NLGN4X: variants seen among roughly 807,000 people sequenced by gnomAD.
The protein encoded by NLGN4X is neuroligin 4 X-linked.
In NLGN4X, 3 loss-of-function variants were observed where a neutral mutation model predicts 40.3. The observed-to-expected ratio is 0.07, with a 90% CI of 0.03 to 0.19. The LOEUF (loss-of-function observed/expected upper bound fraction) is 0.19, where lower values mean the gene tolerates loss of function less well. Ranked by LOEUF, NLGN4X falls within the 10% of genes least tolerant of loss-of-function variation. NLGN4X has a pLI of 1.00. For synonymous variants in NLGN4X, 270 were observed against 306.8 expected, an observed-to-expected ratio of 0.88 and a Z score of 1.25; for missense variants, 382 against 708.3, an observed-to-expected ratio of 0.54 and a Z score of 5.23.
chrX:6,185,656 C>T (rs779812550), intron 1 of NLGN4X, among the ~76,000 whole-genome samples: 9 of 112,165 alleles, frequency 8.0e-5, no homozygotes, highest in Non-Finnish European at 1.5e-4. Flanking sequence ...TTCAGTGAAG[C>T]GGAATAAAAA....
At chrX:6,185,169 T>C (rs1430861975) in intron 1 of NLGN4X, among the ~76,000 whole-genome samples, 1 of 112,278 alleles carries the variant, frequency 8.9e-6, no homozygotes, top group Non-Finnish European at 1.9e-5. Flanking sequence ...CAAAGAGGAA[T>C]AGCACAAAGG....
At chrX:6,073,977 T>C (rs1440688975) in intron 2 of NLGN4X, among the ~76,000 whole-genome samples, 1 of 109,930 alleles carries the variant, frequency 9.1e-6, no homozygotes, top group African/African-American at 3.3e-5. Context: ...AGAAAACCAA[T>C]TGTTGAGCCA....
At chrX:6,205,565 A>G in intron 1 of NLGN4X, among the ~76,000 whole-genome samples, 1 of 112,848 alleles carries the variant, frequency 8.9e-6, no homozygotes, top group East Asian at 2.8e-4. Flanking sequence ...GGAAAGATGT[A>G]GTGTTTGATC....
At chrX:5,940,344 T>G (rs1356848379) in intron 3 of NLGN4X, among the ~76,000 whole-genome samples, 5 of 111,833 alleles carry the variant, frequency 4.5e-5, no homozygotes, top group Admixed American at 9.5e-5. Flanking sequence ...TTTTAGTCTA[T>G]TCATTAAACT....
chrX:5,912,466 G>A (rs972574081), intron 3 of NLGN4X, among the ~76,000 whole-genome samples: 12 of 111,481 alleles, frequency 1.1e-4, no homozygotes, highest in Admixed American at 4.8e-4. Context: ...CATTTAGCCA[G>A]CTCTGCAGGA....
At chrX:5,973,334 G>T (rs1053964880) in intron 3 of NLGN4X, among the ~76,000 whole-genome samples, 9 of 112,515 alleles carry the variant, frequency 8.0e-5, no homozygotes, top group African/African-American at 2.9e-4. Context: ...CAGAAACCAT[G>T]TGGCTCACAT....
At chrX:5,916,019 C>A (rs2032779608) in intron 3 of NLGN4X, among the ~76,000 whole-genome samples, 2 of 111,671 alleles carry the variant, frequency 1.8e-5, no homozygotes, top group Admixed American at 1.9e-4. Flanking sequence ...TCCCCAGGAC[C>A]TGCTCATTTG....
Position 6,175,889 on chromosome X carries a change from A to C in NLGN4X, c.-305-24118T>G, listed in dbSNP as rs562523411. Among the ~76,000 whole-genome samples the C allele has an allele frequency of 4.5e-5, 5 of 110,413 alleles. No homozygotes were observed. The South Asian group carries it at 2.0e-3, about 43-fold the overall frequency. ...GTATAAGCTTCTGGACCTCATTTGGAGGGTAGATCTTCATTCCAAAGGCTC... is the reference window on the plus strand; with the variant it reads ...GTATAAGCTTCTGGACCTCATTTGGCGGGTAGATCTTCATTCCAAAGGCTC... On this transcript the variant is annotated intron_variant, in intron 1 of 5. Transcript: ENST00000381095.
chrX:5,939,895 A>T (rs761433677), intron 3 of NLGN4X, among the ~76,000 whole-genome samples: 72 of 111,916 alleles, frequency 6.4e-4, no homozygotes, highest in African/African-American at 2.3e-3. Context: ...TTCTGCGTAG[A>T]TGTTAATTTT....
At chrX:6,167,921 T>C (rs995662904) in intron 1 of NLGN4X, among the ~76,000 whole-genome samples, 2 of 111,961 alleles carry the variant, frequency 1.8e-5, no homozygotes, top group Admixed American at 9.5e-5. Flanking sequence ...TTCTTAAATA[T>C]GTCCGTGGGA....
At chrX:5,977,564 G>T (rs1259734805) in intron 3 of NLGN4X, among the ~76,000 whole-genome samples, 1 of 110,268 alleles carries the variant, frequency 9.1e-6, no homozygotes, top group African/African-American at 3.3e-5. Flanking sequence ...CTGTAACAAT[G>T]ATTTTTTTCT....
intron 2 of NLGN4X, among the ~76,000 whole-genome samples, chrX:6,067,116 A>ACCC (rs2037942699): frequency 2.0e-5 from 2 of 99,440 alleles, no homozygotes; most frequent in Non-Finnish European, 4.3e-5. Context: ...CCCCCCCCCA[A>ACCC]AACAAAATTA....
intron 2 of NLGN4X, among the ~76,000 whole-genome samples, chrX:6,096,691 A>C: frequency 8.9e-6 from 1 of 111,878 alleles, no homozygotes; most frequent in Non-Finnish European, 1.9e-5. Flanking sequence ...CCATTGTCAG[A>C]GACTCTCATC....
At chrX:6,129,417 A>C (rs2039631659) in intron 2 of NLGN4X, among the ~76,000 whole-genome samples, 1 of 111,311 alleles carries the variant, frequency 9.0e-6, no homozygotes, top group African/African-American at 3.3e-5. Context: ...GGCAGGAGGC[A>C]CCCTTGAGGT....
intron 2 of NLGN4X, among the ~76,000 whole-genome samples, chrX:6,135,940 C>T (rs1336971001): frequency 8.9e-6 from 1 of 112,461 alleles, no homozygotes; most frequent in Admixed American, 9.4e-5. Flanking sequence ...ACCTGAATTT[C>T]TTTCACTTGC....
chrX:6,141,822 T>TA (rs776185525), intron 2 of NLGN4X, among the ~76,000 whole-genome samples: 1,092 of 109,200 alleles, frequency 0.01, 13 homozygotes, highest in African/African-American at 0.034. Context: ...GTCTCAAACA[T>TA]AAAAAAAATA....
intron 3 of NLGN4X, among the ~76,000 whole-genome samples, chrX:5,922,287 C>T (rs1285310594): frequency 9.0e-6 from 1 of 110,868 alleles, no homozygotes; most frequent in Non-Finnish European, 1.9e-5. Context: ...CATAGCACTG[C>T]AGGGTGACTG....
At chrX:6,102,474 C>T (rs182729770) in intron 2 of NLGN4X, among the ~76,000 whole-genome samples, 12 of 110,741 alleles carry the variant, frequency 1.1e-4, no homozygotes, top group African/African-American at 3.3e-4. Context: ...AGTGAGAAGG[C>T]GCTGTCTATG....
chrX:5,942,040 G>A (rs781739049), intron 3 of NLGN4X, among the ~76,000 whole-genome samples: 3 of 111,034 alleles, frequency 2.7e-5, no homozygotes, highest in African/African-American at 9.8e-5. Context: ...AGAACTGCTT[G>A]AGCCTAAAAG....
Sources: gnomAD v4.1 joint callset for allele counts (sites outside exome capture counted in the v4.1 genomes callset) on GRCh38, gnomAD v4.1.1 for gene constraint, MANE v1.5 for transcripts, NCBI Gene and HGNC (gene_info 2026-07-23, HGNC 2026-07-21) for gene names.